Variants in NFATC2 observed in about 807,000 individuals in gnomAD.
NFATC2 encodes the protein nuclear factor of activated T-cells, cytoplasmic 2.
NFATC2 carries 22 observed loss-of-function variants against 87.3 expected under a neutral mutation model. That is an observed-to-expected ratio of 0.25 (90% CI 0.18 to 0.36). NFATC2 has a LOEUF of 0.36. Ranked by LOEUF, NFATC2 falls within the 10% of genes least tolerant of loss-of-function variation. The probability of loss-of-function intolerance (pLI) is 1.00; values close to 1 mark genes in which losing one functional copy is unlikely to be tolerated. For missense variants in NFATC2, 1,149 were observed against 1,259.1 expected (o/e 0.91, Z 1.32); for synonymous variants, 565 against 542.2 (o/e 1.04, Z -0.58).
intron 9 of NFATC2, among the ~76,000 whole-genome samples, chr20:51,400,810 C>T (rs959105887): frequency 3.3e-5 from 5 of 151,892 alleles, no homozygotes; most frequent in African/African-American, 7.3e-5. Context: ...GTTAGTAAGG[C>T]AGAGAAAGAT....
At chr20:51,477,110 T>A (rs868197838) in intron 3 of NFATC2, among the ~76,000 whole-genome samples, 5 of 152,158 alleles carry the variant, frequency 3.3e-5, no homozygotes, top group Middle Eastern at 3.4e-3. Context: ...ACAAACAGAA[T>A]AATGAACAAT....
Position 51,523,303 on chromosome 20 carries a change from T to G in NFATC2, c.938A>C (p.Asp313Ala), listed in dbSNP as rs1231234312. ...CTTGGGGGGGATCCCACAAGGCGAG[T>G]CCGTGGCGAGGCTGTTCAGGGCATC... ...IMDALNSLAT[D>A]SPCGIPPKMW... The change falls in exon 2 of 11, where the codon GAC becomes GCC. Residue 313 changes from aspartate (D) to alanine (A), a missense_variant. Asp to Ala is a moderately radical substitution (Grantham distance 126). Transcript: ENST00000371564. This position sits in a 1 kb window ranked among gnomAD's most constrained non-coding sequence, Gnocchi z 6.9. 6.2e-7 allele frequency: 1 copy of G among 1,612,946 alleles called. No individual in the cohort carries two copies. The highest frequency in any genetic ancestry group is 1.3e-5 in the African/African-American group (1 of 74,610).
chr20:51,517,458 G>A (rs1465319788), intron 2 of NFATC2, among the ~76,000 whole-genome samples: 2 of 151,906 alleles, frequency 1.3e-5, no homozygotes, highest in African/African-American at 4.8e-5. Context: ...CAAGCAATGT[G>A]GTGCATGCCT....
In NFATC2 at chr20:51,534,026, C is replaced by G. The variant is rs189537009; in HGVS notation, c.130+8344G>C. 1.3e-4 allele frequency among the ~76,000 whole-genome samples: 20 copies of G among 152,226 alleles called. No individual in the cohort carries two copies. The East Asian group carries it at 3.7e-3, about 28-fold the overall frequency. On this transcript the variant is annotated intron_variant, in intron 1 of 10. Transcript: ENST00000371564. Reference sequence around the variant, plus strand: ...GCCTTGGAGAATTCCAGAGATATTCCTATTTTTAGTCATTCTAATAGCTTA... The same window carrying G: ...GCCTTGGAGAATTCCAGAGATATTCGTATTTTTAGTCATTCTAATAGCTTA...
intron 3 of NFATC2, among the ~76,000 whole-genome samples, chr20:51,497,867 G>A (rs928897988): frequency 6.6e-6 from 1 of 152,040 alleles, no homozygotes; most frequent in African/African-American, 2.4e-5. Flanking sequence ...GTTAAAGTTA[G>A]ATACACGCAA....
chr20:51,550,673 C>T (rs1339533758), intron 1 of NFATC2, among the ~76,000 whole-genome samples: 90 of 152,094 alleles, frequency 5.9e-4, no homozygotes, highest in Non-Finnish European at 1.0e-4. Context: ...CTTAGTCTAG[C>T]CTACCTTAAA....
Position 51,479,292 on chromosome 20 carries a change from A to T in NFATC2, c.1333-3632T>A, listed in dbSNP as rs116822538. On this transcript the variant is annotated intron_variant, in intron 3 of 10. Transcript: ENST00000371564. ...CCTTGCTATTTTGTTAGCATGGTCA[A>T]TGAACATTTGTTGAATAATCTGTCA... Among the ~76,000 whole-genome samples, 124 of 152,362 alleles carry T rather than the reference A, an allele frequency of 8.1e-4. 1 individual carries two copies. Among genetic ancestry groups the T allele is most frequent in the African/African-American group, 2.9e-3 (120 of 41,582 alleles).
At chr20:51,498,710 C>T (rs889481149) in intron 3 of NFATC2, among the ~76,000 whole-genome samples, 1 of 152,182 alleles carries the variant, frequency 6.6e-6, no homozygotes, top group African/African-American at 2.4e-5. Flanking sequence ...TTGTTTGAAC[C>T]CAGGGGGTGG....
chr20:51,551,913 GCTAC>G (rs2076937377), intron 1 of NFATC2, among the ~76,000 whole-genome samples: 1 of 152,010 alleles, frequency 6.6e-6, no homozygotes, highest in South Asian at 2.1e-4. Flanking sequence ...TGTAGTCCCA[GCTAC>G]TCGGGAGGCT....
chr20:51,407,927 G>A (rs1288577547), intron 9 of NFATC2, among the ~76,000 whole-genome samples: 1 of 152,208 alleles, frequency 6.6e-6, no homozygotes, highest in Non-Finnish European at 1.5e-5. Flanking sequence ...GACTGTAGCA[G>A]GAAGCAGGTT....
chr20:51,408,233 G>A (rs1600673728), intron 9 of NFATC2, among the ~76,000 whole-genome samples: 1 of 152,294 alleles, frequency 6.6e-6, no homozygotes, highest in East Asian at 1.9e-4. Context: ...TTCAATACTG[G>A]CCAGGTGTGG....
At chr20:51,461,213 T>C (rs1328619441) in intron 5 of NFATC2, among the ~76,000 whole-genome samples, 1 of 152,090 alleles carries the variant, frequency 6.6e-6, no homozygotes, top group Non-Finnish European at 1.5e-5. Flanking sequence ...AGGTCCAGGG[T>C]GGGTGGGAGG....
intron 5 of NFATC2, among the ~76,000 whole-genome samples, chr20:51,471,794 G>A (rs1988224133): frequency 6.6e-6 from 1 of 152,208 alleles, no homozygotes. Context: ...GATATTTTCT[G>A]ACCGCAGAGC....
intron 2 of NFATC2, among the ~76,000 whole-genome samples, chr20:51,520,027 T>C (rs1248639388): frequency 6.6e-6 from 1 of 152,134 alleles, no homozygotes; most frequent in Non-Finnish European, 1.5e-5. Context: ...ATCAATGTTA[T>C]CAAGAGACTT....
intron 1 of NFATC2, among the ~76,000 whole-genome samples, chr20:51,525,678 G>A (rs1267717525): frequency 6.6e-6 from 1 of 151,976 alleles, no homozygotes; most frequent in Non-Finnish European, 1.5e-5. Context: ...TGTCAGAACA[G>A]AAACTAGATT....
At chr20:51,461,868 C>T (rs1987191772) in intron 5 of NFATC2, among the ~76,000 whole-genome samples, 1 of 152,220 alleles carries the variant, frequency 6.6e-6, no homozygotes, top group Non-Finnish European at 1.5e-5. Context: ...GTAATCCCAG[C>T]ACTTTGGGAG....
chr20:51,447,388 C>A (rs7509355), intron 6 of NFATC2, among the ~76,000 whole-genome samples: 1 of 152,204 alleles, frequency 6.6e-6, no homozygotes, highest in African/African-American at 2.4e-5. Flanking sequence ...AGTTTCCAAC[C>A]TACGCCCCCG....
Position 51,480,615 on chromosome 20 carries a change from T to C in NFATC2, c.1333-4955A>G, listed in dbSNP as rs1989172775. On this transcript the variant is annotated intron_variant, in intron 3 of 10. Transcript: ENST00000371564. This position sits in a 1 kb window ranked among gnomAD's most constrained non-coding sequence, Gnocchi z 4.2. ...AGCTGAAAGCACAAAGTTTTTCACT[T>C]TGGGTCAGACATATCTGAATTTCGA... 6.6e-6 allele frequency among the ~76,000 whole-genome samples: 1 copy of C among 152,146 alleles called. No individual in the cohort carries two copies. The highest frequency in any genetic ancestry group is 1.5e-5 in the Non-Finnish European group (1 of 68,022).
rs74635314 is a variant in NFATC2 at position 51,428,682 on chromosome 20, C to T, written c.2722+3385G>A. On this transcript the variant is annotated intron_variant, in intron 9 of 10. Transcript: ENST00000371564. ...GACCCCAGGGCAGGGGCGGGATCAG[C>T]TTCAAAGATGGTTTGTTTGCACTTG... Among the ~76,000 whole-genome samples, 11 of 152,316 alleles carry T rather than the reference C, an allele frequency of 7.2e-5. No homozygotes were observed. The East Asian group carries it at 2.1e-3, about 29-fold the overall frequency.
Sources: allele counts gnomAD v4.1 joint callset (sites outside exome capture counted in the v4.1 genomes callset), GRCh38; gene constraint gnomAD v4.1.1; non-coding constraint Gnocchi (gnomAD v3.1); transcripts MANE v1.5; gene names NCBI Gene and HGNC (gene_info 2026-07-23, HGNC 2026-07-21).